The following SPHKAP variants were observed in gnomAD, a reference collection of about 807,000 sequenced individuals.
SPHKAP encodes A-kinase anchor protein SPHKAP.
Under a neutral mutation model 137.5 loss-of-function variants are expected in SPHKAP, and 67 were observed. The ratio of observed to expected loss-of-function variants is 0.49; its 90% CI spans 0.40 to 0.60. SPHKAP has a LOEUF of 0.60. Ranked by LOEUF, SPHKAP falls within the 20% of genes least tolerant of loss-of-function variation. The pLI is 0.00. For missense variants in SPHKAP, 2,097 were observed against 2,069.3 expected (o/e 1.01, Z -0.26); for synonymous variants, 813 against 785.3 (o/e 1.04, Z -0.59).
chr2:228,055,210 TA>T (rs1696397017), intron 3 of SPHKAP, among the ~76,000 whole-genome samples: 1 of 150,306 alleles, frequency 6.7e-6, no homozygotes, highest in Non-Finnish European at 1.5e-5. Context: ...TGATTGAAGA[TA>T]AAGCAAATTT....
At chr2:228,004,552 C>T (rs531298225) in intron 7 of SPHKAP, among the ~76,000 whole-genome samples, 3 of 152,272 alleles carry the variant, frequency 2.0e-5, no homozygotes, top group East Asian at 3.9e-4. Context: ...GTGTCTCTAT[C>T]TCCTTCAGTT....
intron 1 of SPHKAP, among the ~76,000 whole-genome samples, chr2:228,133,563 G>A (rs1291126752): frequency 6.6e-6 from 1 of 152,062 alleles, no homozygotes; most frequent in African/African-American, 2.4e-5. Flanking sequence ...ATTTGTTCTT[G>A]TTGACCACAT....
chr2:228,066,325 A>G (rs1215709542), intron 3 of SPHKAP, among the ~76,000 whole-genome samples: 1 of 152,124 alleles, frequency 6.6e-6, no homozygotes, highest in Non-Finnish European at 1.5e-5. Context: ...ACTTGAAAGA[A>G]CTGTGATCCC....
chr2:228,114,767 T>G (rs145881855), intron 2 of SPHKAP, among the ~76,000 whole-genome samples: 9 of 152,278 alleles, frequency 5.9e-5, no homozygotes, highest in African/African-American at 2.2e-4. Context: ...GATGTGCCAT[T>G]CTCATTTTTC....
chr2:228,118,768 A>G (rs1348903410), intron 2 of SPHKAP, among the ~76,000 whole-genome samples: 1 of 152,176 alleles, frequency 6.6e-6, no homozygotes, highest in East Asian at 1.9e-4. Flanking sequence ...TGCCATCCAT[A>G]TTAAGTTTTC....
chr2:228,012,163 C>CAAAAAAA (rs544782857), intron 7 of SPHKAP, among the ~76,000 whole-genome samples: 6 of 84,910 alleles, frequency 7.1e-5, no homozygotes, highest in South Asian at 9.2e-4. Context: ...GACTCTACCT[C>CAAAAAAA]AAAAAAAAAA....
At chr2:228,096,127 A>G (rs1339032131) in intron 3 of SPHKAP, among the ~76,000 whole-genome samples, 2 of 152,184 alleles carry the variant, frequency 1.3e-5, no homozygotes, top group Admixed American at 6.5e-5. Flanking sequence ...CTTCAGACTA[A>G]TAAAACGTGG....
chr2:228,001,487 GTA>G (rs1559339756), intron 7 of SPHKAP, among the ~76,000 whole-genome samples: 2 of 132,148 alleles, frequency 1.5e-5, no homozygotes, highest in Non-Finnish European at 3.2e-5. Context: ...ATATATATAC[GTA>G]TATATAAGTA....
At chr2:228,051,565 C>T (rs1463348909) in intron 3 of SPHKAP, among the ~76,000 whole-genome samples, 2 of 152,128 alleles carry the variant, frequency 1.3e-5, no homozygotes, top group Non-Finnish European at 2.9e-5. Flanking sequence ...TCCAGAAACG[C>T]CTGCCTAGCC....
chr2:228,170,313 G>A (rs1415597091), intron 1 of SPHKAP, among the ~76,000 whole-genome samples: 1 of 152,044 alleles, frequency 6.6e-6, no homozygotes, highest in Non-Finnish European at 1.5e-5. Flanking sequence ...ATTTGATAAG[G>A]TATTCTAAAT....
intron 3 of SPHKAP, among the ~76,000 whole-genome samples, chr2:228,079,766 C>T (rs1697301668): frequency 6.6e-6 from 1 of 152,186 alleles, no homozygotes; most frequent in Non-Finnish European, 1.5e-5. Context: ...AACCCATCCA[C>T]ACAAACCTAA....
intron 2 of SPHKAP, among the ~76,000 whole-genome samples, chr2:228,124,255 A>C (rs1361161059): frequency 6.6e-6 from 1 of 152,194 alleles, no homozygotes; most frequent in Non-Finnish European, 1.5e-5. Context: ...AAGGATTATA[A>C]ATCATGCTGC....
intron 1 of SPHKAP, among the ~76,000 whole-genome samples, chr2:228,173,274 T>C (rs1384485505): frequency 6.6e-6 from 1 of 152,218 alleles, no homozygotes; most frequent in Non-Finnish European, 1.5e-5. Context: ...AAAGATCAGT[T>C]TTTTGTTCAA....
chr2:228,021,670 C>T (rs773591625), intron 6 of SPHKAP, 41 bp downstream of exon 6: 20 of 1,564,028 alleles, frequency 1.3e-5, no homozygotes, highest in East Asian at 4.5e-5. Context: ...CATTTTTATA[C>T]GGGGACTAAT....
chr2:228,037,124 A>G (rs577327987), intron 3 of SPHKAP, among the ~76,000 whole-genome samples: 9 of 152,320 alleles, frequency 5.9e-5, no homozygotes, highest in South Asian at 2.1e-4. Context: ...ATGAGTTGTT[A>G]TAGGCATACT....
At chr2:228,154,512 CTATATATATA>C (rs1559203928) in intron 1 of SPHKAP, among the ~76,000 whole-genome samples, 1 of 22,066 alleles carries the variant, frequency 4.5e-5, no homozygotes, top group Non-Finnish European at 7.4e-5. Context: ...CTCTCTCTCT[CTATATATATA>C]TATATATATA....
chr2:228,132,004 C>A lies in SPHKAP; in HGVS notation c.114G>T (p.Gly38=), dbSNP rs1418459055. The A allele has an allele frequency of 2.5e-6, 4 of 1,613,848 alleles. No homozygotes were observed. The Admixed American group carries it at 6.7e-5, about 27-fold the overall frequency. ...CCTTCTTACAGGCTGTGATGGAGTT[C>A]CCCGGGCCGCTTCCTGAGCTGCCAC... The part of the protein sequence containing the change: ...RGCGSSGSGP[G]NSITACKKVL... The change falls in exon 2 of 12, where the codon GGG becomes GGT. Residue 38 remains glycine, a synonymous_variant. Transcript: ENST00000392056.
intron 3 of SPHKAP, among the ~76,000 whole-genome samples, chr2:228,039,204 C>G (rs1695748035): frequency 6.6e-6 from 1 of 152,218 alleles, no homozygotes; most frequent in African/African-American, 2.4e-5. Flanking sequence ...ACACATCATC[C>G]CGAAAGAACA....
chr2:228,011,229 CTT>C (rs34531138), intron 7 of SPHKAP, among the ~76,000 whole-genome samples: 72,382 of 145,666 alleles, frequency 0.5, 17,989 homozygotes, highest in South Asian at 0.67. Flanking sequence ...TCAAAGATGC[CTT>C]TTTTTTTTTT....
Sources: gnomAD v4.1 joint callset for allele counts (sites outside exome capture counted in the v4.1 genomes callset) on GRCh38, gnomAD v4.1.1 for gene constraint, MANE v1.5 for transcripts, NCBI Gene and HGNC (gene_info 2026-07-23, HGNC 2026-07-21) for gene names.